Variants in CHRNB3 observed in about 807,000 individuals in gnomAD.
CHRNB3 encodes neuronal acetylcholine receptor subunit beta-3.
In CHRNB3, 37 loss-of-function variants were observed where a neutral mutation model predicts 40.6. The observed-to-expected ratio is 0.91, with a 90% CI of 0.70 to 1.20. CHRNB3 has a LOEUF of 1.20. Ranked by LOEUF, CHRNB3 falls within the 50% of genes most tolerant of loss-of-function variation. CHRNB3 has a pLI of 0.00. For missense variants in CHRNB3, 505 were observed against 551.2 expected (o/e 0.92, Z 0.84); for synonymous variants, 207 against 207.1 (o/e 1.00, Z 0.00).
intron 5 of CHRNB3, among the ~76,000 whole-genome samples, chr8:42,735,315 A>G (rs1816504809): frequency 6.6e-6 from 1 of 152,160 alleles, no homozygotes; most frequent in African/African-American, 2.4e-5. Flanking sequence ...AGGCGGGTGG[A>G]TCACCTGAGG....
Position 42,713,885 on chromosome 8 carries a change from C to T in CHRNB3, c.249+3451C>T, listed in dbSNP as rs554273844. Among the ~76,000 whole-genome samples, 6 of 152,302 alleles carry T rather than the reference C, an allele frequency of 3.9e-5. No homozygotes were observed. The South Asian group carries it at 1.2e-3, about 32-fold the overall frequency. On this transcript the variant is annotated intron_variant, in intron 3 of 5. Transcript: ENST00000289957. ...GGGTTTCCTAACCCCTGGCCAGGAT[C>T]TTTCTGGCCATATGCAGCCTCCTTC...
At chr8:42,718,077 A>C (rs916368599) in intron 3 of CHRNB3, among the ~76,000 whole-genome samples, 2 of 151,872 alleles carry the variant, frequency 1.3e-5, no homozygotes, top group East Asian at 3.9e-4. Flanking sequence ...GTGATCGCCT[A>C]CCTGGGCCTC....
At chr8:42,715,952 A>G (rs994177799) in intron 3 of CHRNB3, among the ~76,000 whole-genome samples, 2 of 151,044 alleles carry the variant, frequency 1.3e-5, no homozygotes, top group African/African-American at 4.9e-5. Context: ...AAAGCACCTT[A>G]GAGACAATGA....
At chr8:42,697,817 T>C (rs1478270765) in intron 1 of CHRNB3, among the ~76,000 whole-genome samples, 2 of 150,682 alleles carry the variant, frequency 1.3e-5, no homozygotes, top group Non-Finnish European at 2.9e-5. Context: ...TTTATGTTTT[T>C]GTCATTTGCT....
rs1301835482 is a variant in CHRNB3, at chr8:42,730,614, A to C, written c.270A>C (p.Leu90Phe). Residue 90 changes from leucine (L) to phenylalanine (F), a missense_variant, in exon 4 of 6, where the codon TTA becomes TTC. Leu to Phe is a conservative substitution (Grantham distance 22, BLOSUM62 0). Transcript: ENST00000289957. ...TGCAGGAATGGACAGACCACAAGTTACGCTGGAATCCTGATGATTATGGTG... is the reference window on the plus strand; with the variant it reads ...TGCAGGAATGGACAGACCACAAGTTCCGCTGGAATCCTGATGATTATGGTG... ...WLKQEWTDHK[L>F]RWNPDDYGGI... 6.2e-7 allele frequency: 1 copy of C among 1,604,998 alleles called. No individual in the cohort carries two copies. Among genetic ancestry groups the C allele is most frequent in the East Asian group, 2.2e-5 (1 of 44,628 alleles).
At position 42,703,443 on chromosome 8, in the gene CHRNB3, TA is replaced by T. The variant is rs1563606391; in HGVS notation, c.53-5273del. On this transcript the variant is annotated intron_variant, in intron 1 of 5. Transcript: ENST00000289957. ...CGTCTAAAAAAAAAAAAAATATTTA[TA>T]TATATATATATATATATGTATCCAC... is the stretch of plus-strand genomic sequence containing the variant. 7.2e-4 allele frequency among the ~76,000 whole-genome samples: 11 copies of T among 15,224 alleles called. 1 individual carries two copies. The highest frequency in any genetic ancestry group is 4.1e-3 in the African/African-American group (10 of 2,448). The allele number at this position is 15,224 out of a possible 152,430, so 10.0% of individuals were successfully genotyped here. A position where few individuals can be genotyped will look rare whatever the true frequency, so the allele number is the denominator to read the frequency against.
chr8:42,720,998 A>T (rs1386889085), intron 3 of CHRNB3, among the ~76,000 whole-genome samples: 1 of 152,208 alleles, frequency 6.6e-6, no homozygotes, highest in Non-Finnish European at 1.5e-5. Flanking sequence ...TAGGTTCCAG[A>T]TGGAGGAGCT....
chr8:42,718,565 C>T (rs969268445), intron 3 of CHRNB3, among the ~76,000 whole-genome samples: 3 of 149,440 alleles, frequency 2.0e-5, no homozygotes, highest in African/African-American at 7.5e-5. Context: ...CCCAGCTACT[C>T]GGGAGGCTGA....
intron 5 of CHRNB3, among the ~76,000 whole-genome samples, chr8:42,734,746 A>G (rs1188732284): frequency 6.6e-6 from 1 of 151,878 alleles, no homozygotes; most frequent in South Asian, 2.1e-4. Flanking sequence ...ATATCCTTCT[A>G]CATTTTCTCT....
intron 3 of CHRNB3, among the ~76,000 whole-genome samples, chr8:42,720,641 G>A (rs1403596222): frequency 2.0e-5 from 3 of 152,074 alleles, no homozygotes; most frequent in African/African-American, 7.3e-5. Context: ...CATATTTGAT[G>A]AATGAATGAA....
chr8:42,732,167 C>T lies in CHRNB3; in HGVS notation c.860C>T (p.Pro287Leu). 6.2e-7 allele frequency: 1 copy of T among 1,610,082 alleles called. No individual in the cohort carries two copies. Among genetic ancestry groups the T allele is most frequent in the Non-Finnish European group, 8.5e-7 (1 of 1,178,638 alleles). ...VFLLVIEEII[P>L]SSSKVIPLIG... ...CTTTTAGTGATTGAAGAAATCATCC[C>T]ATCGTCTTCCAAAGTCATTCCTCTC... The change falls in exon 5 of 6, where the codon CCA becomes CTA. Residue 287 changes from proline to leucine, a missense_variant. Pro to Leu is a moderately conservative substitution (Grantham distance 98). Transcript: ENST00000289957.
chr8:42,732,262 A>G lies in CHRNB3; in HGVS notation c.955A>G (p.Asn319Asp), dbSNP rs1374322313. The G allele has an allele frequency of 1.2e-6, 2 of 1,611,786 alleles. No individual in the cohort carries two copies. Among genetic ancestry groups the G allele is most frequent in the South Asian group, 2.2e-5 (2 of 90,538 alleles). ...CATCATTGTTACCGTGTTTGTCATT[A>G]ACGTTCACCACAGATCTTCTTCCAC... ...LSIIVTVFVI[N>D]VHHRSSSTYH... is the part of the protein sequence containing the mutation. The change falls in exon 5 of 6, where the codon AAC becomes GAC. Residue 319 changes from asparagine (N) to aspartate (D), a missense_variant. Coordinates refer to ENST00000289957, the MANE Select transcript of CHRNB3 (RefSeq NM_000749.5).
At chr8:42,701,862 G>A (rs146561188) in intron 1 of CHRNB3, among the ~76,000 whole-genome samples, 416 of 152,322 alleles carry the variant, frequency 2.7e-3, no homozygotes, top group African/African-American at 9.7e-3. Context: ...GCCACAGTTT[G>A]TGGATGTTTC....
At chr8:42,708,209 G>A (rs1035346939) in intron 1 of CHRNB3, among the ~76,000 whole-genome samples, 2 of 152,218 alleles carry the variant, frequency 1.3e-5, no homozygotes, top group African/African-American at 4.8e-5. Context: ...GCTCACGCCT[G>A]TAATCCCAGC....
intron 3 of CHRNB3, among the ~76,000 whole-genome samples, chr8:42,729,701 A>G (rs762520299): frequency 6.6e-6 from 1 of 152,110 alleles, no homozygotes; most frequent in African/African-American, 2.4e-5. Context: ...ATGCCCTTCT[A>G]ACTCTCTGAA....
Position 42,736,775 on chromosome 8 carries a change from C to G in CHRNB3, c.*157C>G. On this transcript the variant is annotated 3_prime_UTR_variant, in exon 6 of 6. Coordinates refer to ENST00000289957, the MANE Select transcript of CHRNB3 (RefSeq NM_000749.5). ...CATGGGAGAAACTCTGGTAAATGTG[C>G]TCATTTGTGGTTGCCATGAGAGTGA... The G allele has an allele frequency of 2.2e-6, 2 of 922,952 alleles. No individual in the cohort carries two copies. Among genetic ancestry groups the G allele is most frequent in the Admixed American group, 4.6e-5 (2 of 43,178 alleles). 57.2% of individuals were successfully genotyped at this position (922,952 alleles called of 1,614,324 possible).
intron 1 of CHRNB3, among the ~76,000 whole-genome samples, chr8:42,698,330 C>G (rs1363677354): frequency 6.6e-6 from 1 of 152,208 alleles, no homozygotes; most frequent in East Asian, 1.9e-4. Flanking sequence ...TTTTGTGTAA[C>G]TTGAGAACAG....
intron 3 of CHRNB3, among the ~76,000 whole-genome samples, chr8:42,726,491 T>C (rs1586407036): frequency 6.6e-6 from 1 of 151,994 alleles, no homozygotes; most frequent in Non-Finnish European, 1.5e-5. Flanking sequence ...TTTTTTTTTT[T>C]TTTTTTGAGA....
At chr8:42,722,964 T>C (rs972303150) in intron 3 of CHRNB3, among the ~76,000 whole-genome samples, 4 of 152,074 alleles carry the variant, frequency 2.6e-5, no homozygotes, top group Non-Finnish European at 2.9e-5. Flanking sequence ...TGTTTAGATA[T>C]TTACTAACAT....
Sources: allele counts gnomAD v4.1 joint callset (sites outside exome capture counted in the v4.1 genomes callset), GRCh38; gene constraint gnomAD v4.1.1; transcripts MANE v1.5; gene names NCBI Gene and HGNC (gene_info 2026-07-23, HGNC 2026-07-21).